GREB1L: variants seen among roughly 807,000 people sequenced by gnomAD.
GREB1L encodes the protein GREB1-like protein.
A neutral mutation model predicts 200.8 loss-of-function variants in GREB1L; 17 were observed. That is an observed-to-expected ratio of 0.08 (90% confidence interval 0.06 to 0.13). The LOEUF (loss-of-function observed/expected upper bound fraction) is 0.13, where lower values mean the gene tolerates loss of function less well. GREB1L is among the 10% of genes least tolerant of loss of function. The pLI is 1.00. For missense variants in GREB1L, 1,657 were observed against 2,367.7 expected, an observed-to-expected ratio of 0.70 and a Z score of 6.23; for synonymous variants, 789 against 893.0, an observed-to-expected ratio of 0.88 and a Z score of 2.08.
intron 1 of GREB1L, among the ~76,000 whole-genome samples, chr18:21,306,385 G>C (rs1387103374): frequency 6.6e-6 from 1 of 152,104 alleles, no homozygotes; most frequent in African/African-American, 2.4e-5. Flanking sequence ...TTCTCTTCTG[G>C]TTATTCAATC....
At chr18:21,495,301 T>G (rs2036502426) in intron 19 of GREB1L, among the ~76,000 whole-genome samples, 1 of 152,254 alleles carries the variant, frequency 6.6e-6, no homozygotes, top group African/African-American at 2.4e-5. Flanking sequence ...TCCCAAGAAT[T>G]TCTCCAATGT....
chr18:21,479,624 A>G (rs1312680592), intron 17 of GREB1L, among the ~76,000 whole-genome samples: 1 of 151,966 alleles, frequency 6.6e-6, no homozygotes, highest in Admixed American at 6.6e-5. Flanking sequence ...GGCTGCAGTG[A>G]GCTGAGATTA....
intron 1 of GREB1L, among the ~76,000 whole-genome samples, chr18:21,334,981 G>C (rs1349430702): frequency 6.6e-6 from 1 of 152,118 alleles, no homozygotes; most frequent in Non-Finnish European, 1.5e-5. Context: ...CATTAAAAGA[G>C]AACAATCAAT....
chr18:21,489,997 T>C lies in GREB1L; in HGVS notation c.2691-15T>C. ...CCCTGCTGCCTGAGTGCTAGTGCCT[T>C]GTTTTCTGTTGAAGGTACCCCAGGC... On this transcript the variant is annotated splice_polypyrimidine_tract_variant and intron_variant, in intron 18 of 32. Coordinates refer to ENST00000424526, the MANE Select transcript of GREB1L (RefSeq NM_001142966.3). The C allele has an allele frequency of 6.5e-7, 1 of 1,543,736 alleles. No individual in the cohort carries two copies. The highest frequency in any genetic ancestry group is 8.8e-7 in the Non-Finnish European group (1 of 1,141,710).
chr18:21,519,840 C>T (rs1324271529), intron 31 of GREB1L, among the ~76,000 whole-genome samples: 1 of 152,074 alleles, frequency 6.6e-6, no homozygotes, highest in Non-Finnish European at 1.5e-5. Flanking sequence ...TCCCAACTAT[C>T]TTACTTACTT....
At chr18:21,352,763 T>A (rs2143343814) in intron 1 of GREB1L, among the ~76,000 whole-genome samples, 1 of 152,186 alleles carries the variant, frequency 6.6e-6, no homozygotes, top group Non-Finnish European at 1.5e-5. Context: ...AATTTCATTG[T>A]AGAAAATTGG....
chr18:21,274,115 C>G (rs1180770889), intron 1 of GREB1L, among the ~76,000 whole-genome samples: 1 of 152,150 alleles, frequency 6.6e-6, no homozygotes, highest in Non-Finnish European at 1.5e-5. Context: ...GATCAAGGCA[C>G]CAACAGATTT....
chr18:21,501,891 C>A lies in GREB1L; in HGVS notation c.4072+1249C>A, dbSNP rs79675297. On this transcript the variant is annotated intron_variant, in intron 23 of 32. Transcript: ENST00000424526. ...AGGGCTGTGGAAGCCAGTGGGCATA[C>A]CAAGACCACTCCAGCTGTCTTCCCC... is the stretch of plus-strand genomic sequence containing the variant. 1.7e-3 allele frequency among the ~76,000 whole-genome samples: 253 copies of A among 152,316 alleles called. 2 individuals are homozygous for A. The East Asian group carries it at 0.033, about 20-fold the overall frequency.
chr18:21,252,352 G>A lies in GREB1L; in HGVS notation c.-120+9959G>A, dbSNP rs2037721446. Among the ~76,000 whole-genome samples the A allele has an allele frequency of 3.3e-5, 5 of 152,162 alleles. No homozygotes were observed. In the South Asian group the frequency reaches 1.0e-3, roughly 32 times the overall value. ...GTGGATGGATCACCTGAGGTCGGGA[G>A]TTCGAGACCAGCCTAACCAACATGG... On this transcript the variant is annotated intron_variant, in intron 1 of 32. Coordinates refer to ENST00000424526, the MANE Select transcript of GREB1L (RefSeq NM_001142966.3).
chr18:21,358,607 G>A (rs902069757), intron 1 of GREB1L, among the ~76,000 whole-genome samples: 25 of 152,276 alleles, frequency 1.6e-4, no homozygotes, highest in African/African-American at 4.3e-4. Flanking sequence ...GAGCCACCGC[G>A]CCCAGCCTGT....
chr18:21,422,933 A>G (rs1415495420), intron 7 of GREB1L, among the ~76,000 whole-genome samples: 1 of 151,882 alleles, frequency 6.6e-6, no homozygotes. Flanking sequence ...GAAAAATAAA[A>G]TCTGTGTTTT....
intron 5 of GREB1L, among the ~76,000 whole-genome samples, chr18:21,395,974 C>T (rs2041044149): frequency 6.6e-6 from 1 of 151,898 alleles, no homozygotes; most frequent in Non-Finnish European, 1.5e-5. Flanking sequence ...GTGATCTGCC[C>T]ACCTCGGACA....
At chr18:21,243,161 G>C (rs541526533) in intron 1 of GREB1L, among the ~76,000 whole-genome samples, 13 of 152,196 alleles carry the variant, frequency 8.5e-5, no homozygotes, top group African/African-American at 2.9e-4. Flanking sequence ...TGGCCGGGGA[G>C]GGTGAGGGAG....
At chr18:21,284,636 C>A (rs2038324485) in intron 1 of GREB1L, among the ~76,000 whole-genome samples, 2 of 152,212 alleles carry the variant, frequency 1.3e-5, no homozygotes, top group African/African-American at 2.4e-5. Flanking sequence ...CTGCAGTGAA[C>A]ATCGTGTACA....
chr18:21,305,748 C>G (rs1300035800), intron 1 of GREB1L, among the ~76,000 whole-genome samples: 2 of 152,226 alleles, frequency 1.3e-5, no homozygotes, highest in Non-Finnish European at 2.9e-5. Context: ...CTGTGAGACC[C>G]TGCTGGTCTG....
chr18:21,459,430 C>T (rs768373446), intron 15 of GREB1L, among the ~76,000 whole-genome samples: 22 of 151,512 alleles, frequency 1.5e-4, no homozygotes, highest in Admixed American at 2.6e-4. Context: ...GGATTACAGG[C>T]GCCCACCACC....
chr18:21,371,553 T>G (rs991339924), intron 2 of GREB1L, among the ~76,000 whole-genome samples: 4 of 151,342 alleles, frequency 2.6e-5, no homozygotes, highest in African/African-American at 9.7e-5. Context: ...TTTGGGAGGC[T>G]GAGGTGGGCG....
chr18:21,400,311 T>G (rs1428208826), intron 5 of GREB1L, among the ~76,000 whole-genome samples: 1 of 152,192 alleles, frequency 6.6e-6, no homozygotes, highest in African/African-American at 2.4e-5. Context: ...TTTATTTTGT[T>G]TGATTTGTCT....
At chr18:21,513,156 G>T (rs898012939) in intron 27 of GREB1L, among the ~76,000 whole-genome samples, 3 of 152,162 alleles carry the variant, frequency 2.0e-5, no homozygotes, top group African/African-American at 7.2e-5. Flanking sequence ...TTTGTTCAGG[G>T]TCACATGGCT....
Sources: gnomAD v4.1 joint callset for allele counts (sites outside exome capture counted in the v4.1 genomes callset) on GRCh38, gnomAD v4.1.1 for gene constraint, MANE v1.5 for transcripts, NCBI Gene and HGNC (gene_info 2026-07-23, HGNC 2026-07-21) for gene names.